YEATS4: variants seen among roughly 807,000 people sequenced by gnomAD.
YEATS4 encodes YEATS domain containing 4.
A neutral mutation model predicts 30.1 loss-of-function variants in YEATS4; 17 were observed. The ratio of observed to expected loss-of-function variants is 0.56; its 90% CI spans 0.39 to 0.85. YEATS4 has a LOEUF of 0.85. Among genes scored for constraint, YEATS4 ranks in the 40% least tolerant of loss-of-function variants. The pLI, the probability that YEATS4 is intolerant of heterozygous loss-of-function variation, is 0.00. For missense variants in YEATS4, 142 were observed against 268.3 expected (o/e 0.53, Z 3.29); for synonymous variants, 85 against 87.5 (o/e 0.97, Z 0.16).
chr12:69,384,594 A>G (rs1876202438), intron 6 of YEATS4, among the ~76,000 whole-genome samples: 1 of 152,198 alleles, frequency 6.6e-6, no homozygotes, highest in Admixed American at 6.5e-5. Flanking sequence ...AACAAATTCC[A>G]GTTTAGTTAA....
chr12:69,359,940 C>G lies in YEATS4; in HGVS notation c.-33C>G. The G allele has an allele frequency of 2.5e-6, 4 of 1,611,724 alleles. No homozygotes were observed. The highest frequency in any genetic ancestry group is 3.4e-6 in the Non-Finnish European group (4 of 1,178,822). On this transcript the variant is annotated 5_prime_UTR_variant, in exon 1 of 7. Transcript: ENST00000247843. ...CGACCCCGCCAGCCCCGGTCTCTTT[C>G]CCTGGCGGCGGCGGCTTCTTCCGTG...
At chr12:69,415,243 A>G in the YEATS4 span, among the ~76,000 whole-genome samples, 1 of 152,268 alleles carries the variant, frequency 6.6e-6, no homozygotes, top group South Asian at 2.1e-4. Flanking sequence ...GCAAAAGTCC[A>G]GTGTACTCAG....
At chr12:69,394,459 G>A (rs537079110), downstream of YEATS4, among the ~76,000 whole-genome samples, 10 of 152,190 alleles carry the variant, frequency 6.6e-5, no homozygotes, top group Admixed American at 2.0e-4. Flanking sequence ...TTTATGCTTC[G>A]TCTCACTAAA....
intron 1 of YEATS4, 66 bp downstream of exon 1, chr12:69,360,089 G>A: frequency 4.5e-6 from 7 of 1,547,954 alleles, no homozygotes; most frequent in Non-Finnish European, 6.2e-6. Context: ...TGCGCGGCGC[G>A]GGGAGGGCCC....
chr12:69,415,412 T>TAAAAATAC, the YEATS4 span, among the ~76,000 whole-genome samples: 2 of 152,066 alleles, frequency 1.3e-5, no homozygotes, highest in African/African-American at 4.8e-5. Context: ...CCATCTGTAC[T>TAAAAATAC]AAAAATACAA....
chr12:69,393,871 C>T (rs1160395760), downstream of YEATS4, among the ~76,000 whole-genome samples: 1 of 152,162 alleles, frequency 6.6e-6, no homozygotes, highest in African/African-American at 2.4e-5. Context: ...ATCATTTTTT[C>T]TCCCTGAAGT....
the YEATS4 span, among the ~76,000 whole-genome samples, chr12:69,417,310 C>A: frequency 5.3e-5 from 8 of 150,942 alleles, no homozygotes; most frequent in South Asian, 4.2e-4. Flanking sequence ...GGTGCATATG[C>A]CATCACACCT....
chr12:69,426,081 A>G, the YEATS4 span, among the ~76,000 whole-genome samples: 7 of 152,196 alleles, frequency 4.6e-5, no homozygotes, highest in East Asian at 1.9e-4. Flanking sequence ...CAAAAGAAAA[A>G]CAAACAAAAA....
intron 6 of YEATS4, among the ~76,000 whole-genome samples, chr12:69,377,571 A>G (rs1314671665): frequency 4.6e-5 from 7 of 152,172 alleles, no homozygotes; most frequent in Admixed American, 1.3e-4. Flanking sequence ...CAATTTTTCA[A>G]TTCTTAATCT....
At chr12:69,371,042 T>A in intron 6 of YEATS4, 67 bp downstream of exon 6, 1 of 1,491,160 alleles carries the variant, frequency 6.7e-7, no homozygotes. Flanking sequence ...GTTGTATGAT[T>A]CGTGCCTTTT....
At chr12:69,370,463 T>G (rs2120951554) in intron 4 of YEATS4, among the ~76,000 whole-genome samples, 1 of 152,360 alleles carries the variant, frequency 6.6e-6, no homozygotes, top group East Asian at 1.9e-4. Flanking sequence ...CTCTAGAGAT[T>G]CTTGAACAGA....
intron 1 of YEATS4, among the ~76,000 whole-genome samples, 178 bp downstream of exon 1, chr12:69,360,201 C>G (rs1875136435): frequency 6.6e-6 from 1 of 152,046 alleles, no homozygotes; most frequent in African/African-American, 2.4e-5. Context: ...TTCATTGGGC[C>G]CCAACTTCCT....
chr12:69,374,672 T>C (rs1875774198), intron 6 of YEATS4, among the ~76,000 whole-genome samples: 1 of 94,908 alleles, frequency 1.1e-5, no homozygotes, highest in East Asian at 3.1e-4. Context: ...CCCTTACACA[T>C]GTTTCAGAGA....
chr12:69,416,011 A>T, the YEATS4 span, among the ~76,000 whole-genome samples: 1 of 152,338 alleles, frequency 6.6e-6, no homozygotes, highest in African/African-American at 2.4e-5. Context: ...ATATTCTGTC[A>T]GCACTTCTGT....
At chr12:69,408,998 C>T in the YEATS4 span, among the ~76,000 whole-genome samples, 1 of 152,166 alleles carries the variant, frequency 6.6e-6, no homozygotes, top group African/African-American at 2.4e-5. Context: ...CGCTGAGGCT[C>T]GGTTTTCTCT....
chr12:69,360,050 G>A (rs623853), intron 1 of YEATS4, 27 bp downstream of exon 1: 789,323 of 1,607,496 alleles, frequency 0.49, 195,303 homozygotes, highest in Non-Finnish European at 0.51. Context: ...CCCCTCTTCC[G>A]GGGTGGCTCT....
At chr12:69,387,305 G>C (rs1868263098) in intron 6 of YEATS4, among the ~76,000 whole-genome samples, 1 of 152,196 alleles carries the variant, frequency 6.6e-6, no homozygotes, top group South Asian at 2.1e-4. Context: ...TTTCAGGTTA[G>C]GTAAGACCAA....
At chr12:69,380,232 T>C (rs922699736) in intron 6 of YEATS4, among the ~76,000 whole-genome samples, 4 of 152,240 alleles carry the variant, frequency 2.6e-5, no homozygotes, top group African/African-American at 9.6e-5. Context: ...TACCTGTCCT[T>C]GGGCAGGCTT....
At chr12:69,388,991 AG>A (rs1189280379) in intron 6 of YEATS4, among the ~76,000 whole-genome samples, 1 of 152,188 alleles carries the variant, frequency 6.6e-6, no homozygotes, top group Non-Finnish European at 1.5e-5. Flanking sequence ...AATATTATGA[AG>A]TATTTGCCAT....
Sources: allele counts gnomAD v4.1 joint callset (sites outside exome capture counted in the v4.1 genomes callset), GRCh38; gene constraint gnomAD v4.1.1; transcripts MANE v1.5; gene names NCBI Gene and HGNC (gene_info 2026-07-23, HGNC 2026-07-21).